The following POGLUT2 variants were observed in gnomAD, a reference collection of about 807,000 sequenced individuals.
POGLUT2 encodes the protein ER protein 58.
A neutral mutation model predicts 57.6 loss-of-function variants in POGLUT2; 47 were observed. The ratio of observed to expected loss-of-function variants is 0.82; its 90% CI spans 0.65 to 1.04. POGLUT2 has a LOEUF of 1.04. Ranked by LOEUF, POGLUT2 falls within the 50% of genes least tolerant of loss-of-function variation. The pLI is 0.00. For missense variants in POGLUT2, 565 were observed against 614.8 expected (o/e 0.92, Z 0.86); for synonymous variants, 200 against 218.8 (o/e 0.91, Z 0.76).
chr13:102,797,147 G>A, intron 1 of POGLUT2, 138 bp from the exon 2 acceptor site: 1 of 610,308 alleles, frequency 1.6e-6, no homozygotes, highest in Non-Finnish European at 2.9e-6. Context: ...CTTCTCTTAT[G>A]CTTTTAGTAC....
chr13:102,798,505 C>T lies in POGLUT2; in HGVS notation c.166G>A (p.Asp56Asn). The T allele has an allele frequency of 6.2e-7, 1 of 1,609,126 alleles. No individual in the cohort carries two copies. Among genetic ancestry groups the T allele is most frequent in the Non-Finnish European group, 8.5e-7 (1 of 1,177,646 alleles). The change falls in exon 1 of 10, where the codon GAT becomes AAT. Residue 56 changes from aspartate (D) to asparagine (N), a missense_variant. Asp to Asn is a conservative substitution (Grantham distance 23). Transcript: ENST00000376004. ...PARYFYIQAV[D>N]TSGNKFTSSP... ...TCGACTTACTTATTCCCTGATGTAT[C>T]CACTGCCTGAATATAGAAATAGCGG...
chr13:102,788,058 A>G (rs1343912140), intron 7 of POGLUT2, 135 bp from the exon 8 acceptor site: 1 of 525,598 alleles, frequency 1.9e-6, no homozygotes, highest in African/African-American at 1.9e-5. Context: ...GTCTCATGGT[A>G]AAACAGAACA....
chr13:102,793,055 C>T (rs1878242632), intron 4 of POGLUT2: 6 of 330,106 alleles, frequency 1.8e-5, no homozygotes, highest in South Asian at 1.3e-4. Flanking sequence ...GGATTACAGG[C>T]GTGAGCCATG....
intron 1 of POGLUT2, among the ~76,000 whole-genome samples, chr13:102,798,205 A>C (rs947175357): frequency 1.3e-5 from 2 of 152,256 alleles, no homozygotes; most frequent in African/African-American, 4.8e-5. Context: ...AAAAGTAGTT[A>C]GAAACAGTAT....
At chr13:102,786,705 C>T (rs1415522083) in intron 8 of POGLUT2, among the ~76,000 whole-genome samples, 1 of 152,140 alleles carries the variant, frequency 6.6e-6, no homozygotes, top group Non-Finnish European at 1.5e-5. Context: ...CACAAGCCTC[C>T]ATCATCATCT....
chr13:102,784,996 G>A (rs1236738310), intron 9 of POGLUT2, among the ~76,000 whole-genome samples: 5 of 152,150 alleles, frequency 3.3e-5, no homozygotes, highest in South Asian at 4.1e-4. Flanking sequence ...GGAACCTTTC[G>A]ATTTGGCAAT....
At chr13:102,791,530 T>C (rs1595309391) in intron 4 of POGLUT2, 100 bp from the exon 5 acceptor site, 1 of 1,091,118 alleles carries the variant, frequency 9.2e-7, no homozygotes, top group East Asian at 2.4e-5. Context: ...GAAAGGCCAA[T>C]GTTACATGTT....
rs1216105490 is a variant in POGLUT2 at position 102,791,968 on chromosome 13, A to G, written c.673-538T>C. 4 of 1,286,386 alleles carry G rather than the reference A, an allele frequency of 3.1e-6. No individual in the cohort carries two copies. The African/African-American group carries it at 4.6e-5, about 15-fold the overall frequency. The allele number at this position is 1,286,386 out of a possible 1,614,324, so 79.7% of individuals were successfully genotyped here. On this transcript the variant is annotated intron_variant, in intron 4 of 9. Transcript: ENST00000376004. Reference sequence around the variant, plus strand: ...AGTATTTACAAAACAACAGATATACATTTTTAAGGCCAGAAAAGCACTGAC... The same window carrying G: ...AGTATTTACAAAACAACAGATATACGTTTTTAAGGCCAGAAAAGCACTGAC...
At chr13:102,796,683 TAAA>T (rs199885678) in intron 2 of POGLUT2, 118 bp downstream of exon 2, 1,782 of 175,872 alleles carry the variant, frequency 0.01, 13 homozygotes, top group East Asian at 0.039. Context: ...CTTCTTTCAG[TAAA>T]AAAAAAAAAA....
rs951122362 is a variant in POGLUT2 at position 102,793,591 on chromosome 13, T to C, written c.594+10A>G. 13 of 1,603,750 alleles carry C rather than the reference T, an allele frequency of 8.1e-6. No homozygotes were observed. The highest frequency in any genetic ancestry group is 9.4e-6 in the Non-Finnish European group (11 of 1,171,804). On this transcript the variant is annotated intron_variant, in intron 3 of 9. Coordinates refer to ENST00000376004, the MANE Select transcript of POGLUT2 (RefSeq NM_024089.3). ...ACTAAAACAAACAAGCAAAAAATCA[T>C]GTGTTGTACCTTGTTATCCTTTAAG...
At position 102,791,849 on chromosome 13, in the gene POGLUT2, G is replaced by A. The variant is rs1334162265; in HGVS notation, c.673-419C>T. On this transcript the variant is annotated intron_variant, in intron 4 of 9. Transcript: ENST00000376004. ...CAGGAAGCCCAACACCAACAGCAAC[G>A]TAGTAAGTTTCAAGCTATGCTTCCT... 1.6e-5 allele frequency: 8 copies of A among 492,640 alleles called. No homozygotes were observed. The Admixed American group carries it at 1.6e-4, about 10-fold the overall frequency. The allele number at this position is 492,640 out of a possible 1,614,324, so 30.5% of individuals were successfully genotyped here.
chr13:102,785,185 T>C (rs553765977), intron 9 of POGLUT2, among the ~76,000 whole-genome samples: 1 of 152,268 alleles, frequency 6.6e-6, no homozygotes, highest in East Asian at 1.9e-4. Flanking sequence ...ATTGTCATGG[T>C]GTAAATACTC....
chr13:102,798,680 G>C lies in POGLUT2; in HGVS notation c.-10C>G. The C allele has an allele frequency of 6.3e-7, 1 of 1,575,142 alleles. No individual in the cohort carries two copies. The highest frequency in any genetic ancestry group is 8.6e-7 in the Non-Finnish European group (1 of 1,158,368). ...GCAAAGTGCCAAACATTTACAAGAC[G>C]GACTCTCGAAATGATCCACCGATAA... is the stretch of plus-strand genomic sequence containing the variant. On this transcript the variant is annotated 5_prime_UTR_variant, in exon 1 of 10. Transcript: ENST00000376004.
In POGLUT2 at chr13:102,791,243, T is replaced by G; in HGVS notation, c.845+15A>C. ...GAAAACCAAGGCTCTGGGCCAACCCTGACTTATCTCTCACCGGCCCATGGT... is the reference window on the plus strand; with the variant it reads ...GAAAACCAAGGCTCTGGGCCAACCCGGACTTATCTCTCACCGGCCCATGGT... On this transcript the variant is annotated intron_variant, in intron 5 of 9. Coordinates refer to ENST00000376004, the MANE Select transcript of POGLUT2 (RefSeq NM_024089.3). The G allele has an allele frequency of 1.2e-6, 2 of 1,602,150 alleles. No homozygotes were observed. The highest frequency in any genetic ancestry group is 2.2e-5 in the South Asian group (2 of 89,678).
At chr13:102,796,468 C>T (rs1878394060) in intron 2 of POGLUT2, among the ~76,000 whole-genome samples, 2 of 151,228 alleles carry the variant, frequency 1.3e-5, no homozygotes, top group South Asian at 4.1e-4. Context: ...TTATCAGTTA[C>T]TTAAGTCATA....
chr13:102,796,309 A>AATAAAT (rs1555319538), intron 2 of POGLUT2, among the ~76,000 whole-genome samples: 44 of 126,006 alleles, frequency 3.5e-4, no homozygotes, highest in Admixed American at 1.9e-3. Context: ...AAAAAAAAAA[A>AATAAAT]AAATAAATAA....
intron 9 of POGLUT2, among the ~76,000 whole-genome samples, chr13:102,785,629 T>G (rs1877911841): frequency 6.6e-6 from 1 of 152,238 alleles, no homozygotes. Flanking sequence ...TGCTTTGCTA[T>G]AATCCAGCTA....
At chr13:102,794,251 C>T (rs975752520) in intron 2 of POGLUT2, among the ~76,000 whole-genome samples, 2 of 152,106 alleles carry the variant, frequency 1.3e-5, no homozygotes, top group Admixed American at 1.3e-4. Context: ...AAAAGTAATA[C>T]ATTTTTACTA....
chr13:102,790,511 C>T (rs548857994), intron 6 of POGLUT2, among the ~76,000 whole-genome samples: 1 of 152,302 alleles, frequency 6.6e-6, no homozygotes, highest in South Asian at 2.1e-4. Context: ...ACCAGAAGGC[C>T]TGGTAAGAAA....
Sources: gnomAD v4.1 joint callset for allele counts (sites outside exome capture counted in the v4.1 genomes callset) on GRCh38, gnomAD v4.1.1 for gene constraint, MANE v1.5 for transcripts, NCBI Gene and HGNC (gene_info 2026-07-23, HGNC 2026-07-21) for gene names.